The following CD6 variants were observed in gnomAD, a reference collection of about 807,000 sequenced individuals.
CD6 encodes T-cell differentiation antigen CD6.
CD6 carries 53 observed loss-of-function variants against 75.3 expected under a neutral mutation model. The ratio of observed to expected loss-of-function variants is 0.70; its 90% CI spans 0.56 to 0.88. The LOEUF (loss-of-function observed/expected upper bound fraction) is 0.88, where lower values mean the gene tolerates loss of function less well. Among genes scored for constraint, CD6 ranks in the 40% least tolerant of loss-of-function variants. CD6 has a pLI of 0.00. For missense variants in CD6, 770 were observed against 897.1 expected, an observed-to-expected ratio of 0.86 and a Z score of 1.81; for synonymous variants, 359 against 381.5, an observed-to-expected ratio of 0.94 and a Z score of 0.69.
chr11:61,004,161 C>A lies in CD6; in HGVS notation c.50-2413C>A, dbSNP rs184677205. On this transcript the variant is annotated intron_variant, in intron 1 of 12. Coordinates refer to ENST00000313421, the MANE Select transcript of CD6 (RefSeq NM_006725.5). ...GATGATACAGAGCAGAGCTAAAGCC[C>A]CCCTGCCCCACACACATCACATTCA... is the stretch of plus-strand genomic sequence containing the variant. Among the ~76,000 whole-genome samples the A allele has an allele frequency of 3.4e-4, 52 of 152,176 alleles. 1 individual carries two copies. The East Asian group carries it at 9.7e-3, about 28-fold the overall frequency.
At chr11:60,994,290 A>C (rs937225542) in intron 1 of CD6, among the ~76,000 whole-genome samples, 1 of 151,672 alleles carries the variant, frequency 6.6e-6, no homozygotes, top group Non-Finnish European at 1.5e-5. Flanking sequence ...AAATACAAAA[A>C]ATTAGCCAGG....
intron 1 of CD6, among the ~76,000 whole-genome samples, chr11:61,005,987 G>A (rs903193510): frequency 2.0e-5 from 3 of 152,086 alleles, no homozygotes; most frequent in African/African-American, 7.2e-5. Flanking sequence ...ATGCAAATAT[G>A]CAAATACCTG....
chr11:60,998,470 A>G (rs1043591802), intron 1 of CD6, among the ~76,000 whole-genome samples: 1 of 152,224 alleles, frequency 6.6e-6, no homozygotes, highest in Non-Finnish European at 1.5e-5. Flanking sequence ...GAAAGAACTC[A>G]TTCAAGGTCA....
At chr11:61,013,887 G>T in intron 7 of CD6, 32 bp from the exon 8 acceptor site, 1 of 1,507,304 alleles carries the variant, frequency 6.6e-7, no homozygotes, top group East Asian at 2.3e-5. Context: ...GCAAAAAAAT[G>T]ACTTGTAGAA....
intron 1 of CD6, 106 bp from the exon 2 acceptor site, chr11:61,006,468 T>G: frequency 1.1e-6 from 1 of 888,562 alleles, no homozygotes; most frequent in South Asian, 1.5e-5. Context: ...AAAGGCCTCA[T>G]GTAGCCACCA....
rs776449860 is a variant in CD6, at chr11:61,013,475, C to T, written c.1203C>T (p.Leu401=). 6.2e-7 allele frequency: 1 copy of T among 1,613,722 alleles called. No individual in the cohort carries two copies. The highest frequency in any genetic ancestry group is 8.5e-7 in the Non-Finnish European group (1 of 1,179,700). The change falls in exon 7 of 13, where the codon CTC becomes CTT. Residue 401 remains leucine, a synonymous_variant. Transcript: ENST00000313421. ...IENKESRELM[L]LIPSIVLGIL... The stretch of plus-strand genomic sequence containing the variant: ...ACAAGGAATCTCGGGAGCTAATGCT[C>T]CTCATCCCCTCCATCGTTCTGGGAA...
Position 61,007,306 on chromosome 11 carries a change from T to C in CD6, c.119-254T>C, listed in dbSNP as rs935593751. Among the ~76,000 whole-genome samples, 48 of 152,106 alleles carry C rather than the reference T, an allele frequency of 3.2e-4. No homozygotes were observed. Among genetic ancestry groups the C allele is most frequent in the African/African-American group, 1.1e-3 (47 of 41,434 alleles). On this transcript the variant is annotated intron_variant, in intron 2 of 12. Coordinates refer to ENST00000313421, the MANE Select transcript of CD6 (RefSeq NM_006725.5). The surrounding 1 kb of genome is among the most constrained non-coding windows in gnomAD (Gnocchi z 4.2). ...GGTTTCTAGGGGGCTGGACCCCTAG[T>C]TGTCTGTCACCCATCTTAACCTCTA... is the stretch of plus-strand genomic sequence containing the variant.
chr11:60,982,611 C>A, intron 1 of CD6: 1 of 456,106 alleles, frequency 2.2e-6, no homozygotes, highest in South Asian at 1.5e-5. Context: ...CTCCCTCCTT[C>A]AACCAAACTA....
At chr11:61,016,043 A>G (rs1027153174) in intron 9 of CD6, among the ~76,000 whole-genome samples, 10 of 152,210 alleles carry the variant, frequency 6.6e-5, no homozygotes, top group Non-Finnish European at 7.3e-5. Context: ...ATGTCTCAGG[A>G]CATCTCCACT....
At chr11:60,984,807 G>C (rs74378416) in intron 1 of CD6, among the ~76,000 whole-genome samples, 4,726 of 152,294 alleles carry the variant, frequency 0.031, 107 homozygotes, top group Middle Eastern at 0.12. Flanking sequence ...ATTCCCGTCA[G>C]GGGGAGGAGC....
intron 1 of CD6, among the ~76,000 whole-genome samples, chr11:60,976,686 G>A (rs1409763883): frequency 6.6e-6 from 1 of 152,102 alleles, no homozygotes; most frequent in Admixed American, 6.6e-5. Flanking sequence ...TTGTTGTTTT[G>A]CCAAAACATA....
chr11:60,987,852 G>C (rs1421173990), intron 1 of CD6: 3 of 152,182 alleles, frequency 2.0e-5, no homozygotes. Context: ...CAAGCCCAAG[G>C]ATAGCATTTA....
rs375657913 is a variant in CD6 at position 61,010,236 on chromosome 11, AC to A, written c.1084+365del. On this transcript the variant is annotated intron_variant, in intron 5 of 12. Transcript: ENST00000313421. ...AATAATATCGGTGACAGCTTCTGGAACCCTGATCATATGCTAGGCATTGTTA... is the reference window on the plus strand; with the variant it reads ...AATAATATCGGTGACAGCTTCTGGAACCTGATCATATGCTAGGCATTGTTA... Among the ~76,000 whole-genome samples the A allele has an allele frequency of 6.0e-3, 919 of 152,256 alleles. 8 individuals are homozygous for A. Among genetic ancestry groups the A allele is most frequent in the African/African-American group, 0.02 (847 of 41,538 alleles).
At position 61,009,608 on chromosome 11, in the gene CD6, G is replaced by T; in HGVS notation, c.818G>T (p.Arg273Leu). The change falls in exon 5 of 13, where the codon CGC becomes CTC. Residue 273 changes from arginine to leucine, a missense_variant. Transcript: ENST00000313421. ...TGGCGCCTGACAGGGGGCGCTGACC[G>T]CTGCGAGGGGCAGGTGGAGGTACAC... ...QSWRLTGGAD[R>L]CEGQVEVHFR... 2 of 1,612,118 alleles carry T rather than the reference G, an allele frequency of 1.2e-6. No individual in the cohort carries two copies. The highest frequency in any genetic ancestry group is 1.1e-5 in the South Asian group (1 of 90,940).
rs1411324305 is a variant in CD6, at chr11:61,020,085, GC to G, written c.*771del. 5.0e-6 allele frequency: 2 copies of G among 398,490 alleles called. No individual in the cohort carries two copies. Among genetic ancestry groups the G allele is most frequent in the Non-Finnish European group, 8.8e-6 (2 of 226,150 alleles). The allele number at this position is 398,490 out of a possible 1,614,324, so 24.7% of individuals were successfully genotyped here. A position where few individuals can be genotyped will look rare whatever the true frequency, so the allele number is the denominator to read the frequency against. On this transcript the variant is annotated 3_prime_UTR_variant, in exon 13 of 13. Coordinates refer to ENST00000313421, the MANE Select transcript of CD6 (RefSeq NM_006725.5). ...GAGTTTCCTATGGTTTACAAAGAGG[GC>G]CCCAGCCCAGCCCCACCACAGATCC...
At chr11:61,012,394 C>T (rs1032407503) in intron 6 of CD6, among the ~76,000 whole-genome samples, 1 of 152,216 alleles carries the variant, frequency 6.6e-6, no homozygotes, top group Non-Finnish European at 1.5e-5. Context: ...TCCCCATGGC[C>T]GCAACACCCA....
chr11:61,015,832 T>C lies in CD6; in HGVS notation c.1507T>C (p.Tyr503His). The C allele has an allele frequency of 6.2e-7, 1 of 1,614,112 alleles. No individual in the cohort carries two copies. The highest frequency in any genetic ancestry group is 8.5e-7 in the Non-Finnish European group (1 of 1,179,998). Residue 503 changes from tyrosine (Y) to histidine (H), a missense_variant, in exon 9 of 13, where the codon TAC (tyrosine) becomes CAC (histidine). Transcript: ENST00000313421. Reference protein sequence around the residue: ...AQPPVALTTFYNSQRHRVTDE... With the variant: ...AQPPVALTTFHNSQRHRVTDE... ...GCCTCCTGTGGCCCTGACCACCTTC[T>C]ACAGTGAGTGCCTGGCCGGGCTCCC...
intron 1 of CD6, among the ~76,000 whole-genome samples, chr11:61,004,104 T>C (rs1858728718): frequency 6.6e-6 from 1 of 152,162 alleles, no homozygotes; most frequent in African/African-American, 2.4e-5. Flanking sequence ...TCTTTATGCA[T>C]GAGAAAGTGG....
intron 6 of CD6, among the ~76,000 whole-genome samples, chr11:61,012,830 G>A (rs532992150): frequency 6.6e-6 from 1 of 152,310 alleles, no homozygotes; most frequent in South Asian, 2.1e-4. Context: ...GAAGGAGGGG[G>A]GACTCAGGCA....
Sources: allele counts gnomAD v4.1 joint callset (sites outside exome capture counted in the v4.1 genomes callset), GRCh38; gene constraint gnomAD v4.1.1; non-coding constraint Gnocchi (gnomAD v3.1); transcripts MANE v1.5; gene names NCBI Gene and HGNC (gene_info 2026-07-23, HGNC 2026-07-21).